The following TLE7 variants were observed in gnomAD, a reference collection of about 807,000 sequenced individuals.
The protein encoded by TLE7 is transducin-like enhancer protein 7.
chr16:71,437,135 G>A (rs2042829235), intron 1 of TLE7, among the ~76,000 whole-genome samples: 1 of 152,090 alleles, frequency 6.6e-6, no homozygotes, highest in African/African-American at 2.4e-5. Context: ...GATCACCTGA[G>A]GTCAGATGTT....
intron 1 of TLE7, among the ~76,000 whole-genome samples, chr16:71,437,363 A>G (rs2042830255): frequency 6.6e-6 from 1 of 151,590 alleles, no homozygotes. Context: ...AAAAAAAAAA[A>G]AAAAGGAAAA....
Position 71,430,236 on chromosome 16 carries a change from A to G in TLE7, c.*26T>C. ...ACACCAGCCCAAAGACTGGGTCTTC[A>G]CTGGCAGGACCATGGCATGCCACCT... On this transcript the variant is annotated 3_prime_UTR_variant, in exon 10 of 10. Transcript: ENST00000561754. 2.5e-6 allele frequency: 1 copy of G among 398,680 alleles called. No individual in the cohort carries two copies. The highest frequency in any genetic ancestry group is 4.4e-6 in the Non-Finnish European group (1 of 226,120). 24.7% of individuals were successfully genotyped at this position (398,680 alleles called of 1,614,324 possible).
At chr16:71,441,797 C>T (rs2042849819) in intron 1 of TLE7, among the ~76,000 whole-genome samples, 172 bp downstream of exon 1, 2 of 152,354 alleles carry the variant, frequency 1.3e-5, no homozygotes, top group South Asian at 4.1e-4. Context: ...GACGCATAGG[C>T]AGACAGGCCC....
At chr16:71,439,178 A>C (rs1286279497) in intron 1 of TLE7, among the ~76,000 whole-genome samples, 2 of 152,162 alleles carry the variant, frequency 1.3e-5, no homozygotes, top group East Asian at 3.9e-4. Flanking sequence ...GTCAGAGTGG[A>C]AAGTGACATG....
chr16:71,437,888 C>T (rs1374279495), intron 1 of TLE7, among the ~76,000 whole-genome samples: 1 of 152,208 alleles, frequency 6.6e-6, no homozygotes, highest in Non-Finnish European at 1.5e-5. Flanking sequence ...CTCTGCCTCA[C>T]TTACACACCC....
rs1024384923 is a variant in TLE7, at chr16:71,434,721, A to T, written c.-96-1301T>A. Among the ~76,000 whole-genome samples, 5 of 152,192 alleles carry T rather than the reference A, an allele frequency of 3.3e-5. No homozygotes were observed. The East Asian group carries it at 7.7e-4, about 23-fold the overall frequency. On this transcript the variant is annotated intron_variant, in intron 1 of 9. Transcript: ENST00000561754. ...GAGCTTGGAGAGCACTGGGTCCATGATCAAACTGCTAGAAAACACAGAGAG... is the reference window on the plus strand; with the variant it reads ...GAGCTTGGAGAGCACTGGGTCCATGTTCAAACTGCTAGAAAACACAGAGAG...
chr16:71,432,765 C>A, intron 3 of TLE7, 42 bp from the exon 4 acceptor site: 2 of 398,754 alleles, frequency 5.0e-6, no homozygotes, highest in Non-Finnish European at 4.4e-6. Context: ...CAGAGTCCCA[C>A]GCTTCAGGGA....
At chr16:71,439,555 T>C (rs1704092072) in intron 1 of TLE7, among the ~76,000 whole-genome samples, 1 of 150,950 alleles carries the variant, frequency 6.6e-6, no homozygotes, top group African/African-American at 2.4e-5. Context: ...GCTGTTCTTC[T>C]AGGGATAGAA....
At position 71,433,352 on chromosome 16, in the gene TLE7, C is replaced by T; in HGVS notation, c.-28G>A. 2.5e-6 allele frequency: 1 copy of T among 398,608 alleles called. No individual in the cohort carries two copies. 24.7% of individuals were successfully genotyped at this position (398,608 alleles called of 1,614,324 possible). A position where few individuals can be genotyped will look rare whatever the true frequency, so the allele number is the denominator to read the frequency against. ...TCTTAGATCAGTGAGGTGTCTGGACCACCCGGTTCTAGGACTTGACAAATA... is the reference window on the plus strand; with the variant it reads ...TCTTAGATCAGTGAGGTGTCTGGACTACCCGGTTCTAGGACTTGACAAATA... On this transcript the variant is annotated 5_prime_UTR_variant, in exon 2 of 10. Coordinates refer to ENST00000561754, the MANE Select transcript of TLE7 (RefSeq NM_001367365.2).
At chr16:71,437,687 C>T (rs1263108927) in intron 1 of TLE7, among the ~76,000 whole-genome samples, 1 of 152,174 alleles carries the variant, frequency 6.6e-6, no homozygotes. Flanking sequence ...CTCCTTCACT[C>T]CTTGCTTTTG....
At chr16:71,437,305 C>T (rs1165801585) in intron 1 of TLE7, among the ~76,000 whole-genome samples, 3 of 139,620 alleles carry the variant, frequency 2.1e-5, no homozygotes, top group Admixed American at 7.4e-5. Context: ...GCTGAGATTG[C>T]GCCACTGCAT....
Position 71,430,306 on chromosome 16 carries a change from T to C in TLE7, c.1282A>G (p.Met428Val), listed in dbSNP as rs1308503094. The change falls in exon 10 of 10, where the codon ATG becomes GTG. Residue 428 changes from methionine to valine, a missense_variant. Coordinates refer to ENST00000561754, the MANE Select transcript of TLE7 (RefSeq NM_001367365.2). ...DVSSDNQYLV[M>V]GSSSSATIYQ... ...ATGGTGGCACTGCTGCTAGAGCCCA[T>C]GACCAGATACTGGTTGTCAGAGGAC... 1 of 398,540 alleles carries C rather than the reference T, an allele frequency of 2.5e-6. No homozygotes were observed. The highest frequency in any genetic ancestry group is 4.4e-6 in the Non-Finnish European group (1 of 226,124). The allele number at this position is 398,540 out of a possible 1,614,324, so 24.7% of individuals were successfully genotyped here. A position where few individuals can be genotyped will look rare whatever the true frequency, so the allele number is the denominator to read the frequency against.
At chr16:71,434,612 GC>G (rs895586890) in intron 1 of TLE7, among the ~76,000 whole-genome samples, 2 of 152,110 alleles carry the variant, frequency 1.3e-5, no homozygotes, top group African/African-American at 4.8e-5. Context: ...TGTGTGTTTG[GC>G]CCTGAACTAA....
chr16:71,432,573 T>C, intron 4 of TLE7, 92 bp downstream of exon 4: 1 of 398,508 alleles, frequency 2.5e-6, no homozygotes, highest in Non-Finnish European at 4.4e-6. Context: ...CCCCCCTACC[T>C]ATGGGAGAGA....
intron 1 of TLE7, among the ~76,000 whole-genome samples, chr16:71,436,783 T>C (rs2042827889): frequency 6.6e-6 from 1 of 152,236 alleles, no homozygotes. Context: ...GCTCTGGGCC[T>C]CTAATCTTTT....
At chr16:71,436,044 C>G (rs908930943) in intron 1 of TLE7, among the ~76,000 whole-genome samples, 2 of 152,194 alleles carry the variant, frequency 1.3e-5, no homozygotes, top group Non-Finnish European at 2.9e-5. Context: ...CTTCTCTTCT[C>G]TCTCCCAGAG....
At chr16:71,437,490 A>AAGAG (rs2042831106) in intron 1 of TLE7, among the ~76,000 whole-genome samples, 1 of 151,944 alleles carries the variant, frequency 6.6e-6, no homozygotes, top group Non-Finnish European at 1.5e-5. Context: ...AAGAGAAAGA[A>AAGAG]ATTTTGATTC....
chr16:71,433,237 C>T lies in TLE7; in HGVS notation c.88G>A (p.Gly30Ser). ...EERRDVLESSGVSSQPEPQVQ... is the reference protein window; with the variant it reads ...EERRDVLESSSVSSQPEPQVQ... ...TGTGGCTCAGGCTGAGAGGAAACGC[C>T]AGAGCTTTCCAGCACATCCCTCCTC... is the stretch of plus-strand genomic sequence containing the variant. The change falls in exon 2 of 10, where the codon GGC (glycine) becomes AGC (serine). Residue 30 changes from glycine to serine, a missense_variant. Physicochemically the swap from Gly to Ser is moderately conservative, Grantham distance 56 (BLOSUM62 0). Coordinates refer to ENST00000561754, the MANE Select transcript of TLE7 (RefSeq NM_001367365.2). 2.5e-6 allele frequency: 1 copy of T among 398,764 alleles called. No homozygotes were observed. The highest frequency in any genetic ancestry group is 3.6e-5 in the East Asian group (1 of 28,076). 24.7% of individuals were successfully genotyped at this position (398,764 alleles called of 1,614,324 possible). A position where few individuals can be genotyped will look rare whatever the true frequency, so the allele number is the denominator to read the frequency against.
intron 1 of TLE7, among the ~76,000 whole-genome samples, chr16:71,434,819 T>C (rs915254854): frequency 6.6e-6 from 1 of 152,190 alleles, no homozygotes; most frequent in African/African-American, 2.4e-5. Context: ...GAAGGCAATA[T>C]CCGCCATTAT....
Sources: allele counts gnomAD v4.1 joint callset (sites outside exome capture counted in the v4.1 genomes callset), GRCh38; gene constraint gnomAD v4.1.1; transcripts MANE v1.5; gene names NCBI Gene and HGNC (gene_info 2026-07-23, HGNC 2026-07-21).